MAST4: variants seen among roughly 807,000 people sequenced by gnomAD.
The protein encoded by MAST4 is microtubule-associated serine/threonine-protein kinase 4.
Under a neutral mutation model 162.7 loss-of-function variants are expected in MAST4, and 89 were observed. The ratio of observed to expected loss-of-function variants is 0.55; its 90% CI spans 0.46 to 0.65. MAST4 has a LOEUF of 0.65. MAST4 is among the 30% of genes least tolerant of loss of function. The probability of loss-of-function intolerance (pLI) is 0.00; values close to 1 mark genes in which losing one functional copy is unlikely to be tolerated. For synonymous variants in MAST4, 1,479 were observed against 1,361.1 expected, an observed-to-expected ratio of 1.09 and a Z score of -1.91; for missense variants, 3,153 against 3,374.0, an observed-to-expected ratio of 0.93 and a Z score of 1.62.
intron 2 of MAST4, among the ~76,000 whole-genome samples, chr5:66,778,842 C>T (rs923310982): frequency 6.6e-6 from 1 of 152,172 alleles, no homozygotes; most frequent in Non-Finnish European, 1.5e-5. Context: ...TGTTCAAAGA[C>T]CTTGATTTCT....
chr5:66,647,731 A>G lies in MAST4; in HGVS notation c.363+50713A>G, dbSNP rs1316858187. ...GCACAGGAAGTAAATGCTCAATTAT[A>G]TACTCACACCTGGCCAGCTCCTGCC... On this transcript the variant is annotated intron_variant, in intron 1 of 28. Transcript: ENST00000403625. 2.0e-5 allele frequency among the ~76,000 whole-genome samples: 3 copies of G among 152,180 alleles called. No individual in the cohort carries two copies. The East Asian group carries it at 5.8e-4, about 29-fold the overall frequency.
intron 4 of MAST4, among the ~76,000 whole-genome samples, chr5:66,966,600 G>A (rs552193162): frequency 6.6e-6 from 1 of 152,198 alleles, no homozygotes; most frequent in South Asian, 2.1e-4. Context: ...AGCATGGAGG[G>A]TGGTGCACTG....
At chr5:67,143,305 T>C (rs368872657) in intron 21 of MAST4, among the ~76,000 whole-genome samples, 170 of 142,108 alleles carry the variant, frequency 1.2e-3, no homozygotes, top group African/African-American at 4.2e-3. Context: ...TTGTAACCAA[T>C]AAACAGAAAT....
intron 3 of MAST4, among the ~76,000 whole-genome samples, chr5:66,837,383 C>T (rs1438939039): frequency 2.0e-5 from 3 of 151,986 alleles, no homozygotes; most frequent in Non-Finnish European, 2.9e-5. Flanking sequence ...CAACAGTAAG[C>T]ATGTTTTACT....
chr5:66,974,003 A>G (rs1040925729), intron 4 of MAST4, among the ~76,000 whole-genome samples: 1 of 152,114 alleles, frequency 6.6e-6, no homozygotes, highest in African/African-American at 2.4e-5. Flanking sequence ...CTGGCACAGG[A>G]TGTTCTAGCT....
intron 3 of MAST4, among the ~76,000 whole-genome samples, chr5:66,852,475 C>T (rs764247664): frequency 7.9e-5 from 12 of 152,054 alleles, no homozygotes; most frequent in African/African-American, 2.7e-4. Flanking sequence ...AAGAGGAAAC[C>T]GAGGCTCAGA....
At chr5:67,148,652 A>G (rs915735407) in intron 23 of MAST4, among the ~76,000 whole-genome samples, 7 of 152,232 alleles carry the variant, frequency 4.6e-5, no homozygotes, top group African/African-American at 1.7e-4. Context: ...AGGAAATAGC[A>G]TGAGGGAGGA....
At chr5:66,925,826 CA>C (rs1764851887) in intron 4 of MAST4, among the ~76,000 whole-genome samples, 1 of 152,106 alleles carries the variant, frequency 6.6e-6, no homozygotes, top group Non-Finnish European at 1.5e-5. Flanking sequence ...TATAATTGAT[CA>C]AGTAATTATT....
intron 1 of MAST4, among the ~76,000 whole-genome samples, chr5:66,728,880 T>C (rs1751676728): frequency 6.6e-6 from 1 of 152,234 alleles, no homozygotes; most frequent in Admixed American, 6.5e-5. Flanking sequence ...ACCAAAAGTC[T>C]GTCCCTTCTG....
intron 14 of MAST4, among the ~76,000 whole-genome samples, chr5:67,125,885 C>A (rs1204494202): frequency 6.6e-6 from 1 of 152,176 alleles, no homozygotes; most frequent in African/African-American, 2.4e-5. Context: ...TAAAAACATT[C>A]CTGTTTTTCC....
At chr5:66,818,698 G>A (rs1296155980) in intron 3 of MAST4, among the ~76,000 whole-genome samples, 2 of 152,168 alleles carry the variant, frequency 1.3e-5, no homozygotes, top group East Asian at 1.9e-4. Context: ...GCAGGGCAGC[G>A]CTTGCCCTTG....
At chr5:67,021,932 A>C (rs1316861039) in intron 4 of MAST4, among the ~76,000 whole-genome samples, 2 of 152,216 alleles carry the variant, frequency 1.3e-5, no homozygotes, top group African/African-American at 4.8e-5. Flanking sequence ...AGAAATTATA[A>C]GAGCATTACC....
At chr5:66,624,571 G>T (rs1022502820) in intron 1 of MAST4, among the ~76,000 whole-genome samples, 2 of 152,054 alleles carry the variant, frequency 1.3e-5, no homozygotes, top group Admixed American at 1.3e-4. Context: ...GACCACAAAA[G>T]ACCCTGAATA....
chr5:66,800,479 G>T (rs1755862941), intron 3 of MAST4, among the ~76,000 whole-genome samples: 1 of 152,086 alleles, frequency 6.6e-6, no homozygotes, highest in East Asian at 1.9e-4. Context: ...ACTTATAAGT[G>T]GGAGCTAAAT....
At chr5:66,715,621 A>G (rs1216954878) in intron 1 of MAST4, among the ~76,000 whole-genome samples, 2 of 151,618 alleles carry the variant, frequency 1.3e-5, no homozygotes, top group Non-Finnish European at 2.9e-5. Flanking sequence ...GTATACATAT[A>G]TAATAAACCT....
At chr5:67,094,325 A>C (rs1198778760) in intron 6 of MAST4, among the ~76,000 whole-genome samples, 1 of 152,212 alleles carries the variant, frequency 6.6e-6, no homozygotes, top group Non-Finnish European at 1.5e-5. Flanking sequence ...CTAAAATGTC[A>C]GTTTTTTACG....
At chr5:66,680,958 G>T (rs1276704174) in intron 1 of MAST4, among the ~76,000 whole-genome samples, 6 of 152,154 alleles carry the variant, frequency 3.9e-5, no homozygotes, top group Non-Finnish European at 8.8e-5. Context: ...ACAGTCCTCT[G>T]ACCTCCCAGT....
chr5:66,679,305 A>T (rs1173034814), intron 1 of MAST4, among the ~76,000 whole-genome samples: 1 of 152,194 alleles, frequency 6.6e-6, no homozygotes, highest in Non-Finnish European at 1.5e-5. Flanking sequence ...CATGTAGAAG[A>T]TAGAATTGGC....
At chr5:66,668,411 T>C (rs1396632250) in intron 1 of MAST4, among the ~76,000 whole-genome samples, 1 of 152,228 alleles carries the variant, frequency 6.6e-6, no homozygotes. Context: ...TTACTGACTT[T>C]ATAGAAAGGA....
Sources: allele counts gnomAD v4.1 joint callset (sites outside exome capture counted in the v4.1 genomes callset), GRCh38; gene constraint gnomAD v4.1.1; transcripts MANE v1.5; gene names NCBI Gene and HGNC (gene_info 2026-07-23, HGNC 2026-07-21).